UGT3A1: variants seen among roughly 807,000 people sequenced by gnomAD.
The protein encoded by UGT3A1 is UDP glycosyltransferase family 3 member A1, also known as UDP-glycosyltransferase 3A1.
Under a neutral mutation model 37.6 loss-of-function variants are expected in UGT3A1, and 40 were observed. The ratio of observed to expected loss-of-function variants is 1.06; its 90% CI spans 0.83 to 1.38. The LOEUF is 1.38. Ranked by LOEUF, UGT3A1 falls within the 40% of genes most tolerant of loss-of-function variation. The pLI, the probability that UGT3A1 is intolerant of heterozygous loss-of-function variation, is 0.00. For missense variants in UGT3A1, 642 were observed against 634.2 expected, an observed-to-expected ratio of 1.01 and a Z score of -0.13; for synonymous variants, 256 against 232.3, an observed-to-expected ratio of 1.10 and a Z score of -0.93.
intron 1 of UGT3A1, among the ~76,000 whole-genome samples, chr5:35,997,858 A>G (rs548321041): frequency 7.2e-5 from 11 of 152,358 alleles, no homozygotes; most frequent in African/African-American, 2.6e-4. Context: ...CAAGGGACAC[A>G]AAGTGTCCAA....
intron 4 of UGT3A1, among the ~76,000 whole-genome samples, chr5:35,960,308 G>C (rs551885441): frequency 6.6e-5 from 10 of 152,338 alleles, no homozygotes; most frequent in African/African-American, 2.4e-4. Context: ...AATCCAAGTA[G>C]TGTAGTACTG....
At position 35,955,656 on chromosome 5, in the gene UGT3A1, T is replaced by C; in HGVS notation, c.1284A>G (p.Ile428Met). 6.2e-7 allele frequency: 1 copy of C among 1,614,264 alleles called. No homozygotes were observed. The highest frequency in any genetic ancestry group is 1.3e-5 in the African/African-American group (1 of 75,072). ...DTLTLTMKQVIEDKRYKSAVV... is the reference protein window; with the variant it reads ...DTLTLTMKQVMEDKRYKSAVV... ...AGAGAGCCACATACCTCTTGTCTTCTATGACTTGTTTCATTGTAAGTGTCA... is the reference window on the plus strand; with the variant it reads ...AGAGAGCCACATACCTCTTGTCTTCCATGACTTGTTTCATTGTAAGTGTCA... Residue 428 changes from isoleucine (I) to methionine (M), a missense_variant, in exon 6 of 7, where the codon ATA becomes ATG. Transcript: ENST00000274278.
At chr5:35,960,430 C>G (rs147802775) in intron 4 of UGT3A1, among the ~76,000 whole-genome samples, 2,093 of 152,228 alleles carry the variant, frequency 0.014, 47 homozygotes, top group African/African-American at 0.047. Flanking sequence ...GTTCCCTGAC[C>G]CCCCCTCACA....
At chr5:35,991,444 A>T (rs145802402), upstream of UGT3A1, 2,215 of 1,424,124 alleles carry the variant, frequency 1.6e-3, 25 homozygotes, top group African/African-American at 0.028. Context: ...CCATGGGATA[A>T]TCTGCCCTCA....
chr5:35,988,380 G>T (rs1740804940), intron 2 of UGT3A1, 70 bp downstream of exon 2: 1 of 1,156,664 alleles, frequency 8.6e-7, no homozygotes, highest in Non-Finnish European at 1.2e-6. Flanking sequence ...CTATGCAGCT[G>T]TATAAAAAAT....
intron 2 of UGT3A1, among the ~76,000 whole-genome samples, chr5:35,978,224 G>A (rs976642140): frequency 6.6e-6 from 1 of 151,886 alleles, no homozygotes; most frequent in Non-Finnish European, 1.5e-5. Context: ...TAGTACAGAT[G>A]GGGTTTCACC....
chr5:35,956,631 C>T (rs1739366663), intron 5 of UGT3A1, among the ~76,000 whole-genome samples: 1 of 152,124 alleles, frequency 6.6e-6, no homozygotes, highest in Non-Finnish European at 1.5e-5. Flanking sequence ...CAATACCTGG[C>T]TATGTGATTA....
intron 2 of UGT3A1, among the ~76,000 whole-genome samples, chr5:35,985,448 C>T (rs1013129475): frequency 6.6e-6 from 1 of 152,140 alleles, no homozygotes; most frequent in African/African-American, 2.4e-5. Context: ...AACTACATGA[C>T]TTCAAAATAT....
chr5:35,983,593 G>GA lies in UGT3A1; in HGVS notation c.196+4856dup, dbSNP rs202164281. On this transcript the variant is annotated intron_variant, in intron 2 of 6. Transcript: ENST00000274278. ...CCAAAATCAGACAAGGGCATAATAA[G>GA]AAAAAAAAACACTATAGGCCAATAT... 3.1e-3 allele frequency among the ~76,000 whole-genome samples: 471 copies of GA among 149,820 alleles called. 4 individuals are homozygous for GA. The highest frequency in any genetic ancestry group is 9.8e-3 in the African/African-American group (397 of 40,662).
exon 2 of UGT3A1, chr5:35,997,280 T>G (rs1354595557): frequency 2.0e-5 from 3 of 152,214 alleles, no homozygotes; most frequent in African/African-American, 7.2e-5. Context: ...CAGTGCCTTC[T>G]TTAGTATTCC....
chr5:35,974,948 C>T (rs868583264), intron 2 of UGT3A1, among the ~76,000 whole-genome samples: 1 of 152,136 alleles, frequency 6.6e-6, no homozygotes, highest in Non-Finnish European at 1.5e-5. Flanking sequence ...CATGGACTTG[C>T]AAGGAACATA....
chr5:35,984,337 T>C (rs10472993), intron 2 of UGT3A1, among the ~76,000 whole-genome samples: 36,255 of 152,056 alleles, frequency 0.24, 4,562 homozygotes, highest in Non-Finnish European at 0.28. Flanking sequence ...ATTTATATTA[T>C]TCTATCCCTA....
At position 35,968,114 on chromosome 5, in the gene UGT3A1, T is replaced by C; in HGVS notation, c.216A>G (p.Lys72=). The part of the protein sequence containing the change: ...FLIPDIKEEE[K]SYQVIRWFSP... ...AAAACCACCTGATAACTTGGTATGA[T>C]TTTTCCTCCTCTTTAATATCTAAGA... The change falls in exon 3 of 7, where the codon AAA becomes AAG. Residue 72 remains lysine (K), a synonymous_variant. Transcript: ENST00000274278. 6.2e-7 allele frequency: 1 copy of C among 1,611,828 alleles called. No individual in the cohort carries two copies. The highest frequency in any genetic ancestry group is 8.5e-7 in the Non-Finnish European group (1 of 1,178,906).
chr5:35,961,285 CAGATTCCTCCCAG>C (rs1253592220), intron 4 of UGT3A1: 2 of 152,226 alleles, frequency 1.3e-5, no homozygotes, highest in Non-Finnish European at 2.9e-5. Flanking sequence ...AAACAGCAGT[CAGATTCCTCCCAG>C]AGGTTTATCT....
In UGT3A1 at chr5:35,952,333, G is replaced by C. The variant is rs995921766; in HGVS notation, c.*1869C>G. 1.3e-5 allele frequency: 2 copies of C among 152,210 alleles called. No individual in the cohort carries two copies. Among genetic ancestry groups the C allele is most frequent in the Non-Finnish European group, 2.9e-5 (2 of 68,038 alleles). 9.4% of individuals were successfully genotyped at this position (152,210 alleles called of 1,614,324 possible). ...GATTGGTAGCCAGGACCAAATCATA[G>C]AGCCCTTATATTCCACACAATGGGA... On this transcript the variant is annotated 3_prime_UTR_variant, in exon 7 of 7. Coordinates refer to ENST00000274278, the MANE Select transcript of UGT3A1 (RefSeq NM_152404.4).
At chr5:35,999,535 A>G (rs903672539) in intron 1 of UGT3A1, among the ~76,000 whole-genome samples, 1 of 152,242 alleles carries the variant, frequency 6.6e-6, no homozygotes, top group Non-Finnish European at 1.5e-5. Context: ...TCCCGAAACT[A>G]AAATATAGTG....
chr5:35,987,655 A>G (rs1580962272), intron 2 of UGT3A1, among the ~76,000 whole-genome samples: 1 of 152,160 alleles, frequency 6.6e-6, no homozygotes, highest in East Asian at 1.9e-4. Flanking sequence ...ACAAGGCCTG[A>G]AGTTTACCTT....
At chr5:35,987,753 A>G (rs913757510) in intron 2 of UGT3A1, among the ~76,000 whole-genome samples, 18 of 152,164 alleles carry the variant, frequency 1.2e-4, no homozygotes, top group African/African-American at 4.3e-4. Context: ...AGATTGAGAA[A>G]CCCAGAGCCT....
chr5:35,971,503 T>C (rs10057732), intron 2 of UGT3A1, among the ~76,000 whole-genome samples: 116,858 of 151,690 alleles, frequency 0.77, 45,217 homozygotes, highest in South Asian at 0.85. Context: ...TACACAAATG[T>C]TGGAAATGGT....
Sources: allele counts gnomAD v4.1 joint callset (sites outside exome capture counted in the v4.1 genomes callset), GRCh38; gene constraint gnomAD v4.1.1; transcripts MANE v1.5; gene names NCBI Gene and HGNC (gene_info 2026-07-23, HGNC 2026-07-21).